The following GALNT17 variants were observed in gnomAD, a reference collection of about 807,000 sequenced individuals.
GALNT17 encodes the protein polypeptide N-acetylgalactosaminyltransferase 17.
In GALNT17, 29 loss-of-function variants were observed where a neutral mutation model predicts 63.7. The ratio of observed to expected loss-of-function variants is 0.46; its 90% CI spans 0.34 to 0.62. The LOEUF is 0.62. GALNT17 is among the 20% of genes least tolerant of loss of function. The pLI is 0.01. For synonymous variants in GALNT17, 305 were observed against 318.3 expected (o/e 0.96, Z 0.45); for missense variants, 603 against 799.6 (o/e 0.75, Z 2.97).
chr7:71,201,752 CT>C (rs1430253497), intron 1 of GALNT17, among the ~76,000 whole-genome samples: 1 of 151,992 alleles, frequency 6.6e-6, no homozygotes, highest in Non-Finnish European at 1.5e-5. Context: ...CTCCCTCACC[CT>C]TCCGAGTCGC....
intron 2 of GALNT17, among the ~76,000 whole-genome samples, chr7:71,340,110 C>T (rs927585093): frequency 2.6e-5 from 4 of 152,138 alleles, no homozygotes; most frequent in African/African-American, 4.8e-5. Flanking sequence ...CCAGAAGCCC[C>T]TAGAGACTCA....
intron 6 of GALNT17, among the ~76,000 whole-genome samples, chr7:71,597,093 A>C (rs1354358854): frequency 2.6e-5 from 4 of 152,026 alleles, no homozygotes; most frequent in Non-Finnish European, 5.9e-5. Context: ...GCTGGAGTGC[A>C]GTGGTGCGAT....
At chr7:71,328,833 G>GA (rs1791752179) in intron 1 of GALNT17, among the ~76,000 whole-genome samples, 1 of 151,926 alleles carries the variant, frequency 6.6e-6, no homozygotes, top group Non-Finnish European at 1.5e-5. Flanking sequence ...CACATAAGGA[G>GA]AAAAAAATCT....
At chr7:71,250,541 C>T (rs539511758) in intron 1 of GALNT17, among the ~76,000 whole-genome samples, 3 of 152,276 alleles carry the variant, frequency 2.0e-5, no homozygotes, top group South Asian at 4.1e-4. Context: ...TAGCTGTGCA[C>T]CTGTCTCTGT....
intron 1 of GALNT17, among the ~76,000 whole-genome samples, chr7:71,209,552 G>A (rs1789337215): frequency 6.6e-6 from 1 of 152,056 alleles, no homozygotes; most frequent in South Asian, 2.1e-4. Context: ...AGGCTAGACT[G>A]CATTGTGATC....
intron 5 of GALNT17, among the ~76,000 whole-genome samples, chr7:71,429,104 T>G (rs79802714): frequency 6.6e-6 from 1 of 152,200 alleles, no homozygotes; most frequent in South Asian, 2.1e-4. Context: ...CAAGATCTCT[T>G]TTAATACAGC....
intron 9 of GALNT17, among the ~76,000 whole-genome samples, chr7:71,690,019 C>CTTTTTTT (rs36049127): frequency 3.5e-5 from 5 of 142,826 alleles, no homozygotes; most frequent in Non-Finnish European, 6.0e-5. Flanking sequence ...TACTGAATAT[C>CTTTTTTT]TTTTTTTTTT....
chr7:71,592,549 C>CAAATAAAATAAA (rs1562703277), intron 6 of GALNT17, among the ~76,000 whole-genome samples: 1 of 41,018 alleles, frequency 2.4e-5, no homozygotes, highest in African/African-American at 5.7e-5. Context: ...AATAAAATAG[C>CAAATAAAATAAA]ATAGCATAGC....
chr7:71,603,735 A>T (rs1790003325), intron 6 of GALNT17, among the ~76,000 whole-genome samples: 2 of 152,110 alleles, frequency 1.3e-5, no homozygotes, highest in South Asian at 2.1e-4. Context: ...TACACTGGAT[A>T]CTATGCTAAG....
At chr7:71,638,411 G>A (rs1243751764) in intron 6 of GALNT17, among the ~76,000 whole-genome samples, 1 of 152,182 alleles carries the variant, frequency 6.6e-6, no homozygotes, top group Non-Finnish European at 1.5e-5. Flanking sequence ...AGATGGAGTT[G>A]CTCTGGTTCA....
chr7:71,268,444 G>A (rs1351353180), intron 1 of GALNT17, among the ~76,000 whole-genome samples: 1 of 151,756 alleles, frequency 6.6e-6, no homozygotes, highest in Non-Finnish European at 1.5e-5. Context: ...CCATCCACTG[G>A]GGAGGCTGAG....
chr7:71,344,801 A>G lies in GALNT17; in HGVS notation c.422+9068A>G, dbSNP rs575998742. On this transcript the variant is annotated intron_variant, in intron 2 of 10. Transcript: ENST00000333538. ...AACAAACTAAGGACTAAGCAGGGAT[A>G]AGGTGGAAGAGCTGGATTCAGGAAA... Among the ~76,000 whole-genome samples the G allele has an allele frequency of 2.9e-3, 446 of 152,306 alleles. 1 individual carries two copies. Among genetic ancestry groups the G allele is most frequent in the Non-Finnish European group, 5.1e-3 (347 of 68,030 alleles).
chr7:71,639,519 G>A lies in GALNT17; in HGVS notation c.1081-25892G>A, dbSNP rs561843632. On this transcript the variant is annotated intron_variant, in intron 6 of 10. Coordinates refer to ENST00000333538, the MANE Select transcript of GALNT17 (RefSeq NM_022479.3). ...TCAGAGGTTCTGACACTGAGCGATTGCACGAGGAGGGCTGTGGGGAGGGCT... is the reference window on the plus strand; with the variant it reads ...TCAGAGGTTCTGACACTGAGCGATTACACGAGGAGGGCTGTGGGGAGGGCT... Among the ~76,000 whole-genome samples the A allele has an allele frequency of 1.3e-4, 20 of 152,240 alleles. 1 individual carries two copies. In the South Asian group the frequency reaches 4.2e-3, roughly 32 times the overall value.
Position 71,263,846 on chromosome 7 carries a change from C to G in GALNT17, c.239-71704C>G, listed in dbSNP as rs574771010. Reference sequence around the variant, plus strand: ...GGCTGAGGCAGGAGAATGGCGTGAACCCGGGAGGCGGAGCTTGCAGTGAGC... The same window carrying G: ...GGCTGAGGCAGGAGAATGGCGTGAAGCCGGGAGGCGGAGCTTGCAGTGAGC... On this transcript the variant is annotated intron_variant, in intron 1 of 10. Coordinates refer to ENST00000333538, the MANE Select transcript of GALNT17 (RefSeq NM_022479.3). 4.1e-3 allele frequency among the ~76,000 whole-genome samples: 618 copies of G among 152,200 alleles called. 4 individuals carry two copies. The highest frequency in any genetic ancestry group is 6.8e-3 in the Non-Finnish European group (461 of 68,000).
chr7:71,422,154 G>T (rs535901650), intron 5 of GALNT17, among the ~76,000 whole-genome samples: 2 of 151,926 alleles, frequency 1.3e-5, no homozygotes, highest in South Asian at 4.2e-4. Context: ...AGGAGGGCTG[G>T]GTCAGGAGGT....
chr7:71,278,862 C>A (rs565231287), intron 1 of GALNT17, among the ~76,000 whole-genome samples: 1 of 151,934 alleles, frequency 6.6e-6, no homozygotes, highest in African/African-American at 2.4e-5. Flanking sequence ...TGGGTGGGGA[C>A]ACAGCCAAAC....
rs575243983 is a variant in GALNT17 at position 71,327,943 on chromosome 7, A to G, written c.239-7607A>G. 2.1e-3 allele frequency among the ~76,000 whole-genome samples: 320 copies of G among 152,062 alleles called. 1 individual carries two copies. The highest frequency in any genetic ancestry group is 4.0e-3 in the Non-Finnish European group (271 of 67,962). On this transcript the variant is annotated intron_variant, in intron 1 of 10. Coordinates refer to ENST00000333538, the MANE Select transcript of GALNT17 (RefSeq NM_022479.3). The stretch of plus-strand genomic sequence containing the variant: ...AGTACACCTCTCTCTCTTTCCATCC[A>G]TCTGTCAAGAAGTGTCCTTATGTTG...
chr7:71,595,828 C>T (rs1451471325), intron 6 of GALNT17, among the ~76,000 whole-genome samples: 1 of 152,008 alleles, frequency 6.6e-6, no homozygotes, highest in Non-Finnish European at 1.5e-5. Flanking sequence ...GGAGGATGGT[C>T]AACATGACAC....
chr7:71,498,235 G>C (rs1367135827), intron 5 of GALNT17, among the ~76,000 whole-genome samples: 1 of 152,202 alleles, frequency 6.6e-6, no homozygotes, highest in Non-Finnish European at 1.5e-5. Context: ...CAGCACTTTG[G>C]TAGGCTGAGG....
Sources: gnomAD v4.1 joint callset for allele counts (sites outside exome capture counted in the v4.1 genomes callset) on GRCh38, gnomAD v4.1.1 for gene constraint, MANE v1.5 for transcripts, NCBI Gene and HGNC (gene_info 2026-07-23, HGNC 2026-07-21) for gene names.